SPOCK1: variants seen among roughly 807,000 people sequenced by gnomAD.
SPOCK1 encodes the protein testican-1.
SPOCK1 carries 23 observed loss-of-function variants against 55.3 expected under a neutral mutation model. That is an observed-to-expected ratio of 0.42 (90% CI 0.30 to 0.59). The LOEUF (loss-of-function observed/expected upper bound fraction) is 0.59. Ranked by LOEUF, SPOCK1 falls within the 20% of genes least tolerant of loss-of-function variation. The probability of loss-of-function intolerance (pLI) is 0.22; values close to 1 mark genes in which losing one functional copy is unlikely to be tolerated. For missense variants in SPOCK1, 499 were observed against 552.5 expected (o/e 0.90, Z 0.97); for synonymous variants, 226 against 221.0 (o/e 1.02, Z -0.20).
chr5:137,356,836 T>TAG (rs1352078666), intron 2 of SPOCK1, among the ~76,000 whole-genome samples: 7 of 8,776 alleles, frequency 8.0e-4, no homozygotes, highest in Non-Finnish European at 1.2e-3. Context: ...TATATATATA[T>TAG]ATAGAGAGAG....
intron 6 of SPOCK1, among the ~76,000 whole-genome samples, chr5:137,044,099 G>A (rs765888837): frequency 6.6e-6 from 1 of 152,184 alleles, no homozygotes; most frequent in Non-Finnish European, 1.5e-5. Context: ...ATATAGTAGA[G>A]CTTTATTGGA....
chr5:137,146,420 G>A (rs566404220), intron 3 of SPOCK1, among the ~76,000 whole-genome samples: 26 of 152,342 alleles, frequency 1.7e-4, no homozygotes, highest in Non-Finnish European at 3.1e-4. Context: ...AAGTCCACCA[G>A]TTAAAGATGC....
chr5:137,334,460 C>T (rs931489558), intron 2 of SPOCK1, among the ~76,000 whole-genome samples: 34 of 152,174 alleles, frequency 2.2e-4, no homozygotes, highest in Non-Finnish European at 2.8e-4. Flanking sequence ...CTAGTGCAAA[C>T]GGAGAGCAAA....
chr5:137,117,176 T>C (rs1290907109), intron 4 of SPOCK1, among the ~76,000 whole-genome samples: 1 of 152,190 alleles, frequency 6.6e-6, no homozygotes, highest in African/African-American at 2.4e-5. Context: ...TGCCATGCAG[T>C]CCTATTAAGT....
At chr5:137,328,518 G>T (rs536647338) in intron 2 of SPOCK1, among the ~76,000 whole-genome samples, 1 of 152,144 alleles carries the variant, frequency 6.6e-6, no homozygotes, top group Non-Finnish European at 1.5e-5. Flanking sequence ...AGCATTTAAC[G>T]CCGTGCCAGG....
intron 2 of SPOCK1, among the ~76,000 whole-genome samples, chr5:137,452,036 C>T (rs927267740): frequency 6.6e-6 from 1 of 152,048 alleles, no homozygotes; most frequent in Admixed American, 6.6e-5. Flanking sequence ...CCAAAATGCC[C>T]CAATGAGCAT....
chr5:137,070,604 C>T (rs949746791), intron 5 of SPOCK1, among the ~76,000 whole-genome samples: 31 of 152,212 alleles, frequency 2.0e-4, no homozygotes, highest in African/African-American at 7.0e-4. Context: ...AGTGCTGGAG[C>T]TCAGTACTCA....
At chr5:137,240,313 T>A (rs1248825817) in intron 3 of SPOCK1, among the ~76,000 whole-genome samples, 1 of 152,230 alleles carries the variant, frequency 6.6e-6, no homozygotes, top group Non-Finnish European at 1.5e-5. Context: ...CACAGTGGCA[T>A]CTGCTTCTGG....
At chr5:137,325,388 G>A (rs1395214896) in intron 2 of SPOCK1, among the ~76,000 whole-genome samples, 1 of 151,932 alleles carries the variant, frequency 6.6e-6, no homozygotes, top group African/African-American at 2.4e-5. Flanking sequence ...TTGTGCTTTG[G>A]GGCCAGAACA....
At chr5:137,150,814 T>G (rs972605633) in intron 3 of SPOCK1, among the ~76,000 whole-genome samples, 1 of 151,376 alleles carries the variant, frequency 6.6e-6, no homozygotes, top group African/African-American at 2.4e-5. Context: ...TACCCCAGAT[T>G]AGAAACAGGG....
intron 3 of SPOCK1, among the ~76,000 whole-genome samples, chr5:137,220,032 T>C (rs996041612): frequency 6.6e-6 from 1 of 152,182 alleles, no homozygotes; most frequent in African/African-American, 2.4e-5. Context: ...TCTGAAAGAA[T>C]AGCCCAGGGT....
At chr5:137,368,722 T>G (rs1013761663) in intron 2 of SPOCK1, among the ~76,000 whole-genome samples, 3 of 152,158 alleles carry the variant, frequency 2.0e-5, no homozygotes, top group African/African-American at 7.2e-5. Flanking sequence ...GCCCTGTGCC[T>G]CCCTCTCCCT....
intron 3 of SPOCK1, among the ~76,000 whole-genome samples, chr5:137,265,868 G>A (rs531638939): frequency 1.3e-5 from 2 of 152,202 alleles, no homozygotes; most frequent in South Asian, 4.1e-4. Flanking sequence ...TCCCCACTCT[G>A]AGCTCCTGTA....
intron 4 of SPOCK1, among the ~76,000 whole-genome samples, chr5:137,131,875 G>C (rs1418403747): frequency 2.0e-5 from 3 of 146,390 alleles, no homozygotes; most frequent in Non-Finnish European, 4.5e-5. Flanking sequence ...GGGAGGCTGA[G>C]GCAGGAGAAT....
At chr5:137,332,438 C>G (rs1758204199) in intron 2 of SPOCK1, among the ~76,000 whole-genome samples, 1 of 152,080 alleles carries the variant, frequency 6.6e-6, no homozygotes, top group Non-Finnish European at 1.5e-5. Flanking sequence ...TGCACCCAGC[C>G]CCCAACAGAG....
At chr5:137,489,812 A>T (rs1259672285) in intron 2 of SPOCK1, among the ~76,000 whole-genome samples, 3 of 152,188 alleles carry the variant, frequency 2.0e-5, no homozygotes, top group Non-Finnish European at 4.4e-5. Context: ...AGACCTTTGG[A>T]CCCACTCTTC....
chr5:137,358,436 AGGAG>A (rs1185807878), intron 2 of SPOCK1, among the ~76,000 whole-genome samples: 37 of 86,562 alleles, frequency 4.3e-4, no homozygotes, highest in Admixed American at 1.2e-3. Flanking sequence ...AAAGAAAGAA[AGGAG>A]GGAGGGAGGG....
rs149197431 is a variant in SPOCK1, at chr5:137,109,228, C to T, written c.474+3207G>A. Among the ~76,000 whole-genome samples, 442 of 152,324 alleles carry T rather than the reference C, an allele frequency of 2.9e-3. 2 individuals carry two copies. The highest frequency in any genetic ancestry group is 0.01 in the African/African-American group (418 of 41,568). On this transcript the variant is annotated intron_variant, in intron 5 of 10. Coordinates refer to ENST00000394945, the MANE Select transcript of SPOCK1 (RefSeq NM_004598.4). Reference sequence around the variant, plus strand: ...GAGCTGGAAGGAATAATTAGAACAGCACAAACAGGATCTTCACAAAGAGAG... The same window carrying T: ...GAGCTGGAAGGAATAATTAGAACAGTACAAACAGGATCTTCACAAAGAGAG...
At chr5:137,222,267 G>A (rs1251090655) in intron 3 of SPOCK1, among the ~76,000 whole-genome samples, 3 of 152,114 alleles carry the variant, frequency 2.0e-5, no homozygotes, top group East Asian at 3.9e-4. Flanking sequence ...CTTCAGAGTA[G>A]GTGGGGGGAA....
Sources: gnomAD v4.1 joint callset for allele counts (sites outside exome capture counted in the v4.1 genomes callset) on GRCh38, gnomAD v4.1.1 for gene constraint, MANE v1.5 for transcripts, NCBI Gene and HGNC (gene_info 2026-07-23, HGNC 2026-07-21) for gene names.